Variants in ESR1 observed in about 807,000 individuals in gnomAD.
ESR1 encodes estrogen receptor.
In ESR1, 12 loss-of-function variants were observed where a neutral mutation model predicts 52.7. The observed-to-expected ratio is 0.23, with a 90% CI of 0.15 to 0.37. ESR1 has a LOEUF of 0.37. Among genes scored for constraint, ESR1 ranks in the 10% least tolerant of loss-of-function variants. ESR1 has a pLI of 1.00. For synonymous variants in ESR1, 305 were observed against 316.8 expected (o/e 0.96, Z 0.39); for missense variants, 584 against 779.7 (o/e 0.75, Z 2.99).
intron 3 of ESR1, among the ~76,000 whole-genome samples, chr6:151,924,886 GT>G (rs1316690035): frequency 6.6e-6 from 1 of 151,760 alleles, no homozygotes; most frequent in African/African-American, 2.4e-5. Flanking sequence ...TTGATTCCAT[GT>G]TTTTGCTATT....
At chr6:151,766,919 C>T (rs1349208098) in intron 2 of ESR1, among the ~76,000 whole-genome samples, 2 of 152,182 alleles carry the variant, frequency 1.3e-5, no homozygotes, top group African/African-American at 4.8e-5. Flanking sequence ...TACCTGTCAT[C>T]TCGTAAATGA....
Position 151,808,153 on chromosome 6 carries a change from G to C in ESR1, c.241G>C (p.Gly81Arg). 1.3e-6 allele frequency: 2 copies of C among 1,598,514 alleles called. No homozygotes were observed. The highest frequency in any genetic ancestry group is 1.7e-6 in the Non-Finnish European group (2 of 1,173,058). The change falls in exon 1 of 8, where the codon GGC (glycine) becomes CGC (arginine). Residue 81 changes from glycine (G) to arginine (R), a missense_variant. Physicochemically the swap from Gly to Arg is moderately radical, Grantham distance 125. Transcript: ENST00000206249. ...QVYGQTGLPY[G>R]PGSEAAAFGS... ...CTACGGTCAGACCGGCCTCCCCTAC[G>C]GCCCCGGGTCTGAGGCTGCGGCGTT...
chr6:151,973,962 G>T (rs2039175572), intron 4 of ESR1, among the ~76,000 whole-genome samples: 1 of 152,050 alleles, frequency 6.6e-6, no homozygotes, highest in African/African-American at 2.4e-5. Flanking sequence ...TTCTGTAAAG[G>T]CCAGGTAGTT....
At chr6:152,010,247 T>TA (rs1158768926) in intron 4 of ESR1, among the ~76,000 whole-genome samples, 1 of 152,102 alleles carries the variant, frequency 6.6e-6, no homozygotes, top group East Asian at 1.9e-4. Flanking sequence ...GAGCTTTTGT[T>TA]ACCTCCAAGA....
chr6:151,854,658 T>A (rs190761538), intron 2 of ESR1, among the ~76,000 whole-genome samples: 4 of 152,300 alleles, frequency 2.6e-5, no homozygotes, highest in African/African-American at 4.8e-5. Flanking sequence ...ACAGAGTGAA[T>A]GAGTAGAGAA....
chr6:151,847,305 T>C (rs866559250), intron 2 of ESR1, among the ~76,000 whole-genome samples: 3 of 152,192 alleles, frequency 2.0e-5, no homozygotes, highest in Admixed American at 6.5e-5. Context: ...CAGGCACTTA[T>C]TTGCTAAAGA....
intron 2 of ESR1, among the ~76,000 whole-genome samples, chr6:151,759,712 T>C (rs2128093928): frequency 6.6e-6 from 1 of 152,314 alleles, no homozygotes; most frequent in East Asian, 1.9e-4. Flanking sequence ...TCATTTTTGA[T>C]AAAATGACAT....
At chr6:152,002,309 T>C (rs1188125128) in intron 4 of ESR1, among the ~76,000 whole-genome samples, 3 of 151,788 alleles carry the variant, frequency 2.0e-5, no homozygotes, top group African/African-American at 7.3e-5. Flanking sequence ...GAAGCTATCC[T>C]TGTCCATGCG....
chr6:151,847,398 C>G (rs2128242187), intron 2 of ESR1, among the ~76,000 whole-genome samples: 1 of 152,016 alleles, frequency 6.6e-6, no homozygotes, highest in Non-Finnish European at 1.5e-5. Context: ...CTCTCCAGCA[C>G]CTGTTGTTTC....
chr6:151,931,058 C>A (rs2033525568), intron 3 of ESR1, among the ~76,000 whole-genome samples: 1 of 152,080 alleles, frequency 6.6e-6, no homozygotes, highest in Non-Finnish European at 1.5e-5. Context: ...TCTTGATACT[C>A]CCTGAGCTTC....
chr6:151,735,876 T>C (rs1273211218), intron 2 of ESR1, among the ~76,000 whole-genome samples: 3 of 152,154 alleles, frequency 2.0e-5, no homozygotes, highest in African/African-American at 7.2e-5. Context: ...CCCATGCTGT[T>C]GTCATAATAG....
intron 4 of ESR1, among the ~76,000 whole-genome samples, chr6:151,991,149 C>T (rs899237653): frequency 1.3e-5 from 2 of 152,070 alleles, no homozygotes; most frequent in Non-Finnish European, 1.5e-5. Flanking sequence ...TCTGTACAGA[C>T]AGTAAGTTAA....
chr6:152,086,765 A>G (rs537233599), intron 6 of ESR1, among the ~76,000 whole-genome samples: 1 of 152,212 alleles, frequency 6.6e-6, no homozygotes, highest in South Asian at 2.1e-4. Flanking sequence ...GGTTCCAGCA[A>G]AAACACTCAT....
At chr6:151,901,342 G>C (rs1033141519) in intron 3 of ESR1, among the ~76,000 whole-genome samples, 4 of 152,188 alleles carry the variant, frequency 2.6e-5, no homozygotes, top group African/African-American at 7.2e-5. Context: ...GCAAGGCTAA[G>C]AACTTGCCGC....
intron 2 of ESR1, among the ~76,000 whole-genome samples, chr6:151,758,042 T>C (rs933330940): frequency 6.6e-6 from 1 of 152,184 alleles, no homozygotes; most frequent in African/African-American, 2.4e-5. Context: ...TTTTGCAAAG[T>C]CTCCAAAATC....
chr6:151,665,140 T>C (rs1002394143), intron 1 of ESR1, among the ~76,000 whole-genome samples: 1 of 152,162 alleles, frequency 6.6e-6, no homozygotes, highest in Non-Finnish European at 1.5e-5. Flanking sequence ...TGGTTTAGGA[T>C]TGGTAGAATT....
chr6:151,821,899 A>C (rs1429307372), intron 1 of ESR1, among the ~76,000 whole-genome samples: 2 of 152,208 alleles, frequency 1.3e-5, no homozygotes, highest in African/African-American at 4.8e-5. Flanking sequence ...ATGAAAGTTT[A>C]ATAAGAATGG....
chr6:151,962,527 A>T (rs2037787578), intron 4 of ESR1, among the ~76,000 whole-genome samples: 1 of 152,220 alleles, frequency 6.6e-6, no homozygotes, highest in Admixed American at 6.5e-5. Context: ...ACAGCAATCC[A>T]GCAACAAACT....
chr6:151,857,277 A>T (rs560346913), intron 2 of ESR1, among the ~76,000 whole-genome samples: 1 of 152,278 alleles, frequency 6.6e-6, no homozygotes, highest in Non-Finnish European at 1.5e-5. Context: ...TGTACATTGT[A>T]TTAGGTATTA....
Sources: allele counts gnomAD v4.1 joint callset (sites outside exome capture counted in the v4.1 genomes callset), GRCh38; gene constraint gnomAD v4.1.1; transcripts MANE v1.5; gene names NCBI Gene and HGNC (gene_info 2026-07-23, HGNC 2026-07-21).